KIAA2013: variants seen among roughly 807,000 people sequenced by gnomAD.
KIAA2013 encodes the protein KIAA2013, also known as uncharacterized protein KIAA2013.
Under a neutral mutation model 39.9 loss-of-function variants are expected in KIAA2013, and 20 were observed. The ratio of observed to expected loss-of-function variants is 0.50; its 90% CI spans 0.35 to 0.73. KIAA2013 has a LOEUF of 0.73. Ranked by LOEUF, KIAA2013 falls within the 30% of genes least tolerant of loss-of-function variation. The pLI, the probability that KIAA2013 is intolerant of heterozygous loss-of-function variation, is 0.01. For synonymous variants in KIAA2013, 336 were observed against 416.6 expected, an observed-to-expected ratio of 0.81 and a Z score of 2.35; for missense variants, 587 against 856.1, an observed-to-expected ratio of 0.69 and a Z score of 3.92.
In KIAA2013 at chr1:11,920,076, G is replaced by A. The variant is rs1645465765; in HGVS notation, c.*239C>T. The A allele has an allele frequency of 1.7e-6, 1 of 585,334 alleles. No individual in the cohort carries two copies. The highest frequency in any genetic ancestry group is 3.1e-5 in the Admixed American group (1 of 32,432). 36.3% of individuals were successfully genotyped at this position (585,334 alleles called of 1,614,324 possible). ...TTCCATTTCAAGTATTTGCCATACA[G>A]GTTCATTTTATTGAGTGGAAAGCTT... is the stretch of plus-strand genomic sequence containing the variant. On this transcript the variant is annotated 3_prime_UTR_variant, in exon 3 of 3. Transcript: ENST00000376572.
In KIAA2013 at chr1:11,926,043, G is replaced by T; in HGVS notation, c.195C>A (p.Cys65Ter). ...GCCAGGCGCGGGTGGCCGCCTCCAG[G>T]CAGGCAGACGGCTCGGCGGCGCCCG... ...GEPGAAEPSA[C>*]LEAATRAWRG... Residue 65 changes from cysteine to a stop codon, truncating the protein, a stop_gained, in exon 1 of 3, where the codon TGC becomes TGA. Transcript: ENST00000376572. LOFTEE classifies it high-confidence loss of function. 10 of 1,490,974 alleles carry T rather than the reference G, an allele frequency of 6.7e-6. No individual in the cohort carries two copies. The highest frequency in any genetic ancestry group is 8.9e-6 in the Non-Finnish European group (10 of 1,127,640). The allele number at this position is 1,490,974 out of a possible 1,614,324, so 92.4% of individuals were successfully genotyped here.
In KIAA2013 at chr1:11,923,987, G is replaced by A. The variant is rs141047743; in HGVS notation, c.1034-498C>T. Among the ~76,000 whole-genome samples, 181 of 152,224 alleles carry A rather than the reference G, an allele frequency of 1.2e-3. 1 individual carries two copies. Among genetic ancestry groups the A allele is most frequent in the African/African-American group, 3.5e-3 (146 of 41,522 alleles). ...CCTCCCGGGTTCAAGTGATTCTCCCGTCTCAGCCTTTGAGTAGCTGGGACT... is the reference window on the plus strand; with the variant it reads ...CCTCCCGGGTTCAAGTGATTCTCCCATCTCAGCCTTTGAGTAGCTGGGACT... On this transcript the variant is annotated intron_variant, in intron 1 of 2. Coordinates refer to ENST00000376572, the MANE Select transcript of KIAA2013 (RefSeq NM_138346.3). This position sits in a 1 kb window ranked among gnomAD's most constrained non-coding sequence, Gnocchi z 4.6.
rs962581312 is a variant in KIAA2013, at chr1:11,919,830, G to A, written c.*485C>T. ...GGGGCCCCGGCCCAGCCTCGGGACCGTGGGGCCTCCGAACGCCGAGATGGA... is the reference window on the plus strand; with the variant it reads ...GGGGCCCCGGCCCAGCCTCGGGACCATGGGGCCTCCGAACGCCGAGATGGA... On this transcript the variant is annotated 3_prime_UTR_variant, in exon 3 of 3. Transcript: ENST00000376572. 9 of 182,524 alleles carry A rather than the reference G, an allele frequency of 4.9e-5. No homozygotes were observed. Among genetic ancestry groups the A allele is most frequent in the African/African-American group, 1.2e-4 (5 of 41,654 alleles). 11.3% of individuals were successfully genotyped at this position (182,524 alleles called of 1,614,324 possible).
In KIAA2013 at chr1:11,922,852, G is replaced by C; in HGVS notation, c.1671C>G (p.Ile557Met). ...VTQPITPLLY[I>M]STDLTHLQDL... Reference sequence around the variant, plus strand: ...CCTGCAGGTGTGTGAGGTCGGTGGAGATGTAGAGCAGTGGCGTGATGGGCT... The same window carrying C: ...CCTGCAGGTGTGTGAGGTCGGTGGACATGTAGAGCAGTGGCGTGATGGGCT... The change falls in exon 2 of 3, where the codon ATC becomes ATG. Residue 557 changes from isoleucine (I) to methionine (M), a missense_variant. By Grantham distance (10) the Ile-to-Met change is conservative. Coordinates refer to ENST00000376572, the MANE Select transcript of KIAA2013 (RefSeq NM_138346.3). 1 of 1,612,514 alleles carries C rather than the reference G, an allele frequency of 6.2e-7. No homozygotes were observed. The highest frequency in any genetic ancestry group is 8.5e-7 in the Non-Finnish European group (1 of 1,179,002).
In KIAA2013 at chr1:11,926,076, G is replaced by T. The variant is rs1167153609; in HGVS notation, c.162C>A (p.Arg54=). Residue 54 remains arginine (R), a synonymous_variant, in exon 1 of 3, where the codon CGC becomes CGA. Transcript: ENST00000376572. ...ACGGCTCGGCGGCGCCCGGCTCACCGCGGGACCAGGGCAGCAGGTGCAGGC... is the reference window on the plus strand; with the variant it reads ...ACGGCTCGGCGGCGCCCGGCTCACCTCGGGACCAGGGCAGCAGGTGCAGGC... ...AGGLHLLPWS[R]GEPGAAEPSA... is the part of the protein sequence containing the mutation. 1 of 1,461,276 alleles carries T rather than the reference G, an allele frequency of 6.8e-7. No individual in the cohort carries two copies. 90.5% of individuals were successfully genotyped at this position (1,461,276 alleles called of 1,614,324 possible). A position where few individuals can be genotyped will look rare whatever the true frequency, so the allele number is the denominator to read the frequency against.
chr1:11,922,561 G>GGCTA, intron 2 of KIAA2013, 75 bp downstream of exon 2: 1 of 1,576,896 alleles, frequency 6.3e-7, no homozygotes, highest in Non-Finnish European at 8.6e-7. Flanking sequence ...CCCCTCGCCA[G>GGCTA]GCTAGCCCCT....
rs762394980 is a variant in KIAA2013, at chr1:11,922,942, G to A, written c.1581C>T (p.Cys527=). ...PVKIYACKAG[C]LDEPVELTSA... is the part of the protein sequence containing the mutation. Reference sequence around the variant, plus strand: ...AGGTCAGCTCCACTGGCTCGTCCAGGCAGCCTGCCTTGCAGGCATAGATCT... The same window carrying A: ...AGGTCAGCTCCACTGGCTCGTCCAGACAGCCTGCCTTGCAGGCATAGATCT... The change falls in exon 2 of 3, where the codon TGC becomes TGT. Residue 527 remains cysteine, a synonymous_variant. Coordinates refer to ENST00000376572, the MANE Select transcript of KIAA2013 (RefSeq NM_138346.3). The A allele has an allele frequency of 3.7e-6, 6 of 1,610,978 alleles. No homozygotes were observed. Among genetic ancestry groups the A allele is most frequent in the Non-Finnish European group, 5.1e-6 (6 of 1,178,506 alleles).
Position 11,923,306 on chromosome 1 carries a change from G to A in KIAA2013, c.1217C>T (p.Thr406Ile). ...CGGCCACAGGTTCTCGGCGTGCATG[G>A]TGGCGTGCCCGCTGAAGCAGTGATC... is the stretch of plus-strand genomic sequence containing the variant. ...YEDHCFSGHATMHAENLWPGR... is the reference protein window; with the variant it reads ...YEDHCFSGHAIMHAENLWPGR... Residue 406 changes from threonine (T) to isoleucine (I), a missense_variant, in exon 2 of 3, where the codon ACC becomes ATC. Thr to Ile is a moderately conservative substitution (Grantham distance 89). Coordinates refer to ENST00000376572, the MANE Select transcript of KIAA2013 (RefSeq NM_138346.3). The surrounding 1 kb of genome is among the most constrained non-coding windows in gnomAD (Gnocchi z 4.6). The A allele has an allele frequency of 6.2e-7, 1 of 1,613,518 alleles. No homozygotes were observed. The highest frequency in any genetic ancestry group is 8.5e-7 in the Non-Finnish European group (1 of 1,179,596).
chr1:11,926,280 GC>G lies in KIAA2013; in HGVS notation c.-44del, dbSNP rs1287446624. On this transcript the variant is annotated 5_prime_UTR_variant, in exon 1 of 3. Coordinates refer to ENST00000376572, the MANE Select transcript of KIAA2013 (RefSeq NM_138346.3). Reference sequence around the variant, plus strand: ...GCAAGGGTGCGAGGGCGGCCGCCGGGCCCGCCGCCCAGCCCACCGGCCCGGC... The same window carrying G: ...GCAAGGGTGCGAGGGCGGCCGCCGGGCCGCCGCCCAGCCCACCGGCCCGGC... 9.9e-7 allele frequency: 1 copy of G among 1,010,380 alleles called. No individual in the cohort carries two copies. Among genetic ancestry groups the G allele is most frequent in the African/African-American group, 1.7e-5 (1 of 57,606 alleles). 62.6% of individuals were successfully genotyped at this position (1,010,380 alleles called of 1,614,324 possible).
intron 1 of KIAA2013, among the ~76,000 whole-genome samples, chr1:11,924,812 G>C (rs139093130): frequency 2.4e-4 from 36 of 152,248 alleles, no homozygotes; most frequent in African/African-American, 6.5e-4. Context: ...AGAAGCCCAC[G>C]TCTGTCACCA....
Position 11,923,899 on chromosome 1 carries a change from G to A in KIAA2013, c.1034-410C>T, listed in dbSNP as rs1469340648. Reference sequence around the variant, plus strand: ...ATGTATTTATTTGTTTATTGAGACAGAGTCTCACTGTGTTGCCCAGGCTTG... The same window carrying A: ...ATGTATTTATTTGTTTATTGAGACAAAGTCTCACTGTGTTGCCCAGGCTTG... On this transcript the variant is annotated intron_variant, in intron 1 of 2. Coordinates refer to ENST00000376572, the MANE Select transcript of KIAA2013 (RefSeq NM_138346.3). This position sits in a 1 kb window ranked among gnomAD's most constrained non-coding sequence, Gnocchi z 4.6. Among the ~76,000 whole-genome samples, 1 of 152,170 alleles carries A rather than the reference G, an allele frequency of 6.6e-6. No homozygotes were observed. The highest frequency in any genetic ancestry group is 1.5e-5 in the Non-Finnish European group (1 of 68,040).
Position 11,922,622 on chromosome 1 carries a change from T to C in KIAA2013, c.1887+14A>G. On this transcript the variant is annotated intron_variant, in intron 2 of 2. Transcript: ENST00000376572. ...GCCAAGGCCTCGGGTTTCGACCAGATGGCGGCTTCCTACCTTACTCCTGAA... is the reference window on the plus strand; with the variant it reads ...GCCAAGGCCTCGGGTTTCGACCAGACGGCGGCTTCCTACCTTACTCCTGAA... The C allele has an allele frequency of 6.2e-7, 1 of 1,612,218 alleles. No homozygotes were observed. The highest frequency in any genetic ancestry group is 8.5e-7 in the Non-Finnish European group (1 of 1,179,326).
At position 11,925,660 on chromosome 1, in the gene KIAA2013, A is replaced by G. The variant is rs758359023; in HGVS notation, c.578T>C (p.Leu193Pro). The change falls in exon 1 of 3, where the codon CTG becomes CCG. Residue 193 changes from leucine (L) to proline (P), a missense_variant. Leu to Pro is a moderately conservative substitution (Grantham distance 98, BLOSUM62 -3). Transcript: ENST00000376572. The surrounding 1 kb of genome is among the most constrained non-coding windows in gnomAD (Gnocchi z 5.2). ...GACGTGGGGTCGGCCCCTGTGCGCC[A>G]GAAAGTCCTCTTGCAGCAGCACGCA... is the stretch of plus-strand genomic sequence containing the variant. Reference protein sequence around the residue: ...RDCVLLQEDFLAHRGRPHVYL... With the variant: ...RDCVLLQEDFPAHRGRPHVYL... 6.2e-6 allele frequency: 10 copies of G among 1,607,738 alleles called. No individual in the cohort carries two copies.
chr1:11,922,696 G>A lies in KIAA2013; in HGVS notation c.1827C>T (p.Leu609=). The A allele has an allele frequency of 1.2e-6, 2 of 1,613,832 alleles. No individual in the cohort carries two copies. The highest frequency in any genetic ancestry group is 1.7e-6 in the Non-Finnish European group (2 of 1,179,906). ...ASLITLFHLF[L]FKLIYNEYCG... ...AGTACTCGTTGTAGATGAGCTTGAAGAGGAAGAGGTGGAAGAGGGTGATTA... is the reference window on the plus strand; with the variant it reads ...AGTACTCGTTGTAGATGAGCTTGAAAAGGAAGAGGTGGAAGAGGGTGATTA... The change falls in exon 2 of 3, where the codon CTC becomes CTT. Residue 609 remains leucine (L), a synonymous_variant. Transcript: ENST00000376572.
chr1:11,921,145 A>G (rs1645472219), intron 2 of KIAA2013, among the ~76,000 whole-genome samples: 1 of 152,202 alleles, frequency 6.6e-6, no homozygotes, highest in Non-Finnish European at 1.5e-5. Context: ...ATTTTCTTCT[A>G]CAACTGCTAA....
rs764244476 is a variant in KIAA2013 at position 11,925,303 on chromosome 1, T to C, written c.935A>G (p.Gln312Arg). 6.2e-7 allele frequency: 1 copy of C among 1,613,706 alleles called. No homozygotes were observed. The highest frequency in any genetic ancestry group is 1.1e-5 in the South Asian group (1 of 91,064). The change falls in exon 1 of 3, where the codon CAG becomes CGG. Residue 312 changes from glutamine to arginine, a missense_variant. By Grantham distance (43) the Gln-to-Arg change is conservative. Coordinates refer to ENST00000376572, the MANE Select transcript of KIAA2013 (RefSeq NM_138346.3). The surrounding 1 kb of genome is among the most constrained non-coding windows in gnomAD (Gnocchi z 5.2). ...SKAAKELKAL[Q>R]DLARKEMLEL... is the part of the protein sequence containing the mutation. The stretch of plus-strand genomic sequence containing the variant: ...CAGCATTTCCTTCCGTGCCAAGTCC[T>C]GCAGCGCCTTGAGCTCCTTGGCTGC...
rs781305740 is a variant in KIAA2013 at position 11,926,193 on chromosome 1, C to A, written c.45G>T (p.Ser15=). Residue 15 remains serine, a synonymous_variant, in exon 1 of 3, where the codon TCG becomes TCT. Transcript: ENST00000376572. ...QRLKGLPGLL[S]SSWARRLLCL... Reference sequence around the variant, plus strand: ...AGAGGAGGCGGCGGGCCCAGCTGCTCGACAGCAGTCCCGGCAGCCCCTTGA... The same window carrying A: ...AGAGGAGGCGGCGGGCCCAGCTGCTAGACAGCAGTCCCGGCAGCCCCTTGA... 6 of 1,372,624 alleles carry A rather than the reference C, an allele frequency of 4.4e-6. 1 individual carries two copies. In the South Asian group the frequency reaches 6.8e-5, roughly 16 times the overall value. The allele number at this position is 1,372,624 out of a possible 1,614,324, so 85.0% of individuals were successfully genotyped here.
chr1:11,926,009 GC>G lies in KIAA2013; in HGVS notation c.228del (p.Arg77GlyfsTer33). The G allele has an allele frequency of 6.6e-7, 1 of 1,506,314 alleles. No individual in the cohort carries two copies. The highest frequency in any genetic ancestry group is 8.8e-7 in the Non-Finnish European group (1 of 1,134,414). The allele number at this position is 1,506,314 out of a possible 1,614,324, so 93.3% of individuals were successfully genotyped here. On this transcript the variant is annotated frameshift_variant, in exon 1 of 3. Transcript: ENST00000376572. LOFTEE classifies it high-confidence loss of function. ...AGCGGTACCACCTCACCGCGCTCCC[GC>G]AGGCCGCGCCAGGCGCGGGTGGCCG... ...LEAATRAWRG[L>X]RERGEVVPLG...
In KIAA2013 at chr1:11,922,774, C is replaced by T; in HGVS notation, c.1749G>A (p.Met583Ile). Residue 583 changes from methionine (M) to isoleucine (I), a missense_variant, in exon 2 of 3, where the codon ATG becomes ATA. By Grantham distance (10) the Met-to-Ile change is conservative. Coordinates refer to ENST00000376572, the MANE Select transcript of KIAA2013 (RefSeq NM_138346.3). ...LKAILAHDEHMAQQDPGLPFL... is the reference protein window; with the variant it reads ...LKAILAHDEHIAQQDPGLPFL... Reference sequence around the variant, plus strand: ...AGGGCAGCCCGGGGTCCTGCTGGGCCATGTGCTCATCATGGGCCAGGATGG... The same window carrying T: ...AGGGCAGCCCGGGGTCCTGCTGGGCTATGTGCTCATCATGGGCCAGGATGG... 1 of 1,613,932 alleles carries T rather than the reference C, an allele frequency of 6.2e-7. No individual in the cohort carries two copies. The highest frequency in any genetic ancestry group is 8.5e-7 in the Non-Finnish European group (1 of 1,179,866).
Sources: allele counts gnomAD v4.1 joint callset (sites outside exome capture counted in the v4.1 genomes callset), GRCh38; gene constraint gnomAD v4.1.1; non-coding constraint Gnocchi (gnomAD v3.1); transcripts MANE v1.5; gene names NCBI Gene and HGNC (gene_info 2026-07-23, HGNC 2026-07-21).